The following TRHDE variants were observed in gnomAD, a reference collection of about 807,000 sequenced individuals.
TRHDE encodes thyrotropin-releasing hormone-degrading ectoenzyme.
A neutral mutation model predicts 125.7 loss-of-function variants in TRHDE; 72 were observed. The ratio of observed to expected loss-of-function variants is 0.57; its 90% confidence interval spans 0.47 to 0.70. The LOEUF is 0.70. Ranked by LOEUF, TRHDE falls within the 30% of genes least tolerant of loss-of-function variation. The probability of loss-of-function intolerance (pLI) is 0.00; values close to 1 mark genes in which losing one functional copy is unlikely to be tolerated. For synonymous variants in TRHDE, 509 were observed against 509.1 expected (o/e 1.00, Z 0.00); for missense variants, 1,110 against 1,327.1 (o/e 0.84, Z 2.54).
chr12:72,306,964 A>G (rs4589346), intron 2 of TRHDE, among the ~76,000 whole-genome samples: 133,415 of 152,124 alleles, frequency 0.88, 58,558 homozygotes, highest in East Asian at 0.94. Flanking sequence ...GTTGAGGCAG[A>G]GGAATGCCTA....
intron 2 of TRHDE, among the ~76,000 whole-genome samples, chr12:72,345,829 T>C (rs1416997140): frequency 1.3e-5 from 2 of 151,950 alleles, no homozygotes; most frequent in East Asian, 3.9e-4. Context: ...GGACCCTGTT[T>C]CCTCACAGAA....
chr12:72,399,624 A>T (rs1247466779), intron 3 of TRHDE, among the ~76,000 whole-genome samples: 1 of 152,160 alleles, frequency 6.6e-6, no homozygotes, highest in Non-Finnish European at 1.5e-5. Flanking sequence ...GAAAATTTTC[A>T]CACAGAAAGT....
Position 72,286,897 on chromosome 12 carries a change from A to G in TRHDE, c.1131A>G (p.Leu377=). The G allele has an allele frequency of 6.2e-7, 1 of 1,613,956 alleles. No homozygotes were observed. Among genetic ancestry groups the G allele is most frequent in the Non-Finnish European group, 8.5e-7 (1 of 1,179,978 alleles). ...SQTPLMSTYY[L]AWAICNFTYR... The stretch of plus-strand genomic sequence containing the variant: ...CCCCTCTCATGTCCACATATTATTT[A>G]GCCTGGGCAATTTGCAACTTCACAT... Residue 377 remains leucine (L), a synonymous_variant, in exon 2 of 19, where the codon TTA becomes TTG. Coordinates refer to ENST00000261180, the MANE Select transcript of TRHDE (RefSeq NM_013381.3).
chr12:72,244,626 A>C (rs1878541159), intron 2 of TRHDE, among the ~76,000 whole-genome samples: 1 of 152,194 alleles, frequency 6.6e-6, no homozygotes, highest in South Asian at 2.1e-4. Context: ...GCCATAATTA[A>C]TGTCCCCATA....
intron 5 of TRHDE, among the ~76,000 whole-genome samples, chr12:72,486,207 AAC>A (rs1240643700): frequency 1.3e-5 from 2 of 152,166 alleles, no homozygotes; most frequent in Admixed American, 6.5e-5. Flanking sequence ...ACCTCAGAGC[AAC>A]AGTTCTTAGC....
At chr12:72,463,061 A>G (rs1412595730) in intron 3 of TRHDE, among the ~76,000 whole-genome samples, 1 of 152,240 alleles carries the variant, frequency 6.6e-6, no homozygotes, top group Non-Finnish European at 1.5e-5. Flanking sequence ...ATATTAATGT[A>G]TGGCACTTTA....
Position 72,177,270 on chromosome 12 carries a change from T to A in TRHDE, n.279+71518T>A, listed in dbSNP as rs139608944. ...TGGAAGGCTCCACTTGCAACAATTC[T>A]ATAATATTGTATGTTAGCTTAAAAA... On this transcript the variant is annotated intron_variant and non_coding_transcript_variant, in intron 2 of 4. Coordinates refer to the TRHDE transcript ENST00000548156. 6.5e-3 allele frequency among the ~76,000 whole-genome samples: 984 copies of A among 152,318 alleles called. 11 individuals are homozygous for A. The highest frequency in any genetic ancestry group is 0.022 in the African/African-American group (926 of 41,574).
At chr12:72,431,409 G>T (rs1360674573) in intron 3 of TRHDE, among the ~76,000 whole-genome samples, 2 of 152,150 alleles carry the variant, frequency 1.3e-5, no homozygotes, top group African/African-American at 4.8e-5. Context: ...AGGTTTATCT[G>T]TGGTTGTTAT....
At chr12:72,385,137 T>A (rs964938223) in intron 3 of TRHDE, among the ~76,000 whole-genome samples, 6 of 152,136 alleles carry the variant, frequency 3.9e-5, no homozygotes, top group African/African-American at 1.4e-4. Flanking sequence ...ATACAGCCTT[T>A]TAAAATACAA....
At chr12:72,544,714 G>A (rs577106643) in intron 7 of TRHDE, among the ~76,000 whole-genome samples, 48 of 150,920 alleles carry the variant, frequency 3.2e-4, no homozygotes, top group Middle Eastern at 3.4e-3. Flanking sequence ...GTATCCTTAC[G>A]ACCCACCTTA....
At chr12:72,610,622 C>A (rs960331807) in intron 12 of TRHDE, 1 of 152,202 alleles carries the variant, frequency 6.6e-6, no homozygotes, top group Non-Finnish European at 1.5e-5. Flanking sequence ...CCTGGGTCTG[C>A]GCTAGGTCTC....
intron 12 of TRHDE, among the ~76,000 whole-genome samples, chr12:72,585,019 T>C (rs1871382393): frequency 6.6e-6 from 1 of 152,224 alleles, no homozygotes; most frequent in Non-Finnish European, 1.5e-5. Context: ...AAGCTCTGCC[T>C]CTGCCTGGTG....
intron 3 of TRHDE, among the ~76,000 whole-genome samples, chr12:72,432,672 T>A (rs1028518618): frequency 6.6e-6 from 1 of 152,068 alleles, no homozygotes; most frequent in Non-Finnish European, 1.5e-5. Flanking sequence ...GGAGAAGCGA[T>A]TGGGAGGAGA....
intron 3 of TRHDE, among the ~76,000 whole-genome samples, chr12:72,419,877 A>T (rs1190122847): frequency 6.6e-6 from 1 of 152,234 alleles, no homozygotes; most frequent in Non-Finnish European, 1.5e-5. Flanking sequence ...ATTGTATCCC[A>T]GTGAATTGCA....
chr12:72,440,286 A>T (rs1874941459), intron 3 of TRHDE, among the ~76,000 whole-genome samples: 1 of 151,816 alleles, frequency 6.6e-6, no homozygotes, highest in African/African-American at 2.4e-5. Context: ...AATTTTTTGA[A>T]ATACTTTGAG....
intron 2 of TRHDE, among the ~76,000 whole-genome samples, chr12:72,111,598 A>G (rs933246481): frequency 1.3e-5 from 2 of 152,210 alleles, no homozygotes; most frequent in Non-Finnish European, 2.9e-5. Context: ...TGAAGTAATT[A>G]GAAGCAAGAA....
intron 2 of TRHDE, among the ~76,000 whole-genome samples, chr12:72,372,481 T>C (rs1871651744): frequency 1.3e-5 from 2 of 152,202 alleles, no homozygotes; most frequent in African/African-American, 4.8e-5. Context: ...ATGTCCTGAA[T>C]GGTAATGCCT....
intron 3 of TRHDE, among the ~76,000 whole-genome samples, chr12:72,380,979 T>C (rs868764722): frequency 2.7e-4 from 41 of 152,030 alleles, no homozygotes; most frequent in African/African-American, 9.9e-4. Context: ...ATTAATGTTG[T>C]AAAGGGTCAT....
intron 13 of TRHDE, among the ~76,000 whole-genome samples, chr12:72,619,706 CT>C (rs1032508467): frequency 1.3e-5 from 2 of 152,090 alleles, no homozygotes; most frequent in Non-Finnish European, 2.9e-5. Flanking sequence ...GCTCATGAGC[CT>C]TTTGATTCTT....
Sources: gnomAD v4.1 joint callset for allele counts (sites outside exome capture counted in the v4.1 genomes callset) on GRCh38, gnomAD v4.1.1 for gene constraint, MANE v1.5 for transcripts, NCBI Gene and HGNC (gene_info 2026-07-23, HGNC 2026-07-21) for gene names.